PVT1: variants seen among roughly 807,000 people sequenced by gnomAD.
PVT1 encodes the protein CXCR4/PVT1 fusion.
At chr8:127,907,494 C>G (rs1046485879) in intron 3 of PVT1, among the ~76,000 whole-genome samples, 2 of 152,182 alleles carry the variant, frequency 1.3e-5, no homozygotes, top group Non-Finnish European at 2.9e-5. Flanking sequence ...AGTCATCAGC[C>G]GTGCTGGCCA....
exon 4 of PVT1, chr8:127,989,207 A>C (rs1817002974): frequency 6.6e-6 from 1 of 152,210 alleles, no homozygotes; most frequent in Non-Finnish European, 1.5e-5. Flanking sequence ...CTGAAAAAAT[A>C]CATATCCTTT....
chr8:127,823,797 G>C (rs1166694679), intron 2 of PVT1, among the ~76,000 whole-genome samples: 3 of 152,340 alleles, frequency 2.0e-5, no homozygotes, highest in Admixed American at 2.0e-4. Flanking sequence ...ACATTAAGAG[G>C]CTTGTCAATG....
intron 2 of PVT1, among the ~76,000 whole-genome samples, chr8:127,840,847 TG>T (rs1228968673): frequency 6.6e-6 from 1 of 152,248 alleles, no homozygotes; most frequent in Non-Finnish European, 1.5e-5. Context: ...TCTCTTTTAA[TG>T]AGCTGGTTCT....
chr8:128,019,734 C>CATG (rs1817412346), intron 4 of PVT1, among the ~76,000 whole-genome samples: 1 of 152,144 alleles, frequency 6.6e-6, no homozygotes, highest in African/African-American at 2.4e-5. Flanking sequence ...ATGGGGTTTC[C>CATG]ATGAAGGCTC....
At chr8:127,866,976 G>C (rs1815292452) in intron 2 of PVT1, among the ~76,000 whole-genome samples, 1 of 152,226 alleles carries the variant, frequency 6.6e-6, no homozygotes. Context: ...TGCATTCACT[G>C]ATTCACTGTA....
At chr8:128,067,202 G>A (rs777327387) in intron 4 of PVT1, among the ~76,000 whole-genome samples, 13 of 152,106 alleles carry the variant, frequency 8.5e-5, no homozygotes, top group African/African-American at 2.2e-4. Flanking sequence ...TCCCTAACTC[G>A]GTTATACACT....
intron 4 of PVT1, among the ~76,000 whole-genome samples, chr8:128,024,648 G>C (rs940338819): frequency 6.6e-6 from 1 of 152,032 alleles, no homozygotes; most frequent in Non-Finnish European, 1.5e-5. Flanking sequence ...GTTTCCCATG[G>C]AGACATTATC....
intron 2 of PVT1, among the ~76,000 whole-genome samples, chr8:127,822,911 G>A (rs997587443): frequency 6.6e-6 from 1 of 152,186 alleles, no homozygotes; most frequent in Non-Finnish European, 1.5e-5. Flanking sequence ...CCCATGGAGA[G>A]CCAAGAAGGA....
At chr8:127,842,568 T>A (rs538370570) in intron 2 of PVT1, among the ~76,000 whole-genome samples, 29 of 152,156 alleles carry the variant, frequency 1.9e-4, no homozygotes, top group African/African-American at 5.3e-4. Flanking sequence ...GCATGGCCTG[T>A]GTTGAATTTT....
chr8:127,924,662 C>T (rs1333305467), intron 3 of PVT1, among the ~76,000 whole-genome samples: 1 of 152,106 alleles, frequency 6.6e-6, no homozygotes, highest in Non-Finnish European at 1.5e-5. Flanking sequence ...CAGGCGCCCA[C>T]CACCACGCCC....
At chr8:127,971,183 A>G (rs952347100) in intron 3 of PVT1, among the ~76,000 whole-genome samples, 1 of 152,236 alleles carries the variant, frequency 6.6e-6, no homozygotes, top group Non-Finnish European at 1.5e-5. Flanking sequence ...TGGAGGGCAG[A>G]CAGTTTCTCA....
At chr8:127,795,841 G>C (rs1469373976) in intron 1 of PVT1, 1 of 168,244 alleles carries the variant, frequency 5.9e-6, no homozygotes, top group Non-Finnish European at 1.5e-5. Flanking sequence ...GCTCTGATCA[G>C]TCAAGAAGGG....
chr8:127,863,783 T>G (rs1486486023), intron 2 of PVT1, among the ~76,000 whole-genome samples: 2 of 152,206 alleles, frequency 1.3e-5, no homozygotes, highest in Non-Finnish European at 2.9e-5. Context: ...GCCCCTCAGC[T>G]TGGACCTGGC....
At chr8:127,923,256 T>C (rs1816087144) in intron 3 of PVT1, among the ~76,000 whole-genome samples, 1 of 152,210 alleles carries the variant, frequency 6.6e-6, no homozygotes, top group South Asian at 2.1e-4. Flanking sequence ...CTGTTTTAGT[T>C]AATGCTCACA....
chr8:127,837,945 C>G (rs200362948), intron 2 of PVT1, among the ~76,000 whole-genome samples: 9 of 151,408 alleles, frequency 5.9e-5, no homozygotes, highest in African/African-American at 2.2e-4. Flanking sequence ...TTGCCCAGGC[C>G]GGAGTGCAGT....
chr8:127,977,141 T>A (rs984444775), intron 3 of PVT1, among the ~76,000 whole-genome samples: 2 of 152,364 alleles, frequency 1.3e-5, no homozygotes, highest in East Asian at 3.9e-4. Context: ...TACTCTTGTT[T>A]GCACAAAGCC....
At chr8:128,079,347 CA>C (rs1246333143) in intron 5 of PVT1, among the ~76,000 whole-genome samples, 1 of 152,150 alleles carries the variant, frequency 6.6e-6, no homozygotes, top group African/African-American at 2.4e-5. Flanking sequence ...AATATTGAGT[CA>C]AAAGTATAGA....
intron 2 of PVT1, among the ~76,000 whole-genome samples, chr8:127,852,786 G>T (rs746689654): frequency 6.6e-6 from 1 of 152,130 alleles, no homozygotes; most frequent in African/African-American, 2.4e-5. Flanking sequence ...CCTGGTACCC[G>T]CTGTTCTCTA....
rs1477238195 is a variant in PVT1 at position 127,876,842 on chromosome 8, C to T, written n.373-13747C>T. 5.3e-5 allele frequency among the ~76,000 whole-genome samples: 8 copies of T among 152,062 alleles called. No individual in the cohort carries two copies. The East Asian group carries it at 5.8e-4, about 11-fold the overall frequency. ...CTGTCATCGCTTTCATTTGCCCCAT[C>T]CCCCCAATTTGGACTTACCCAGAAT... On this transcript the variant is annotated intron_variant and non_coding_transcript_variant, in intron 2 of 10. Coordinates refer to ENST00000651587, the Ensembl canonical transcript of PVT1.
Sources: allele counts gnomAD v4.1 joint callset (sites outside exome capture counted in the v4.1 genomes callset), GRCh38; gene constraint gnomAD v4.1.1; transcripts MANE v1.5; gene names NCBI Gene and HGNC (gene_info 2026-07-23, HGNC 2026-07-21).